EXOC6: variants seen among roughly 807,000 people sequenced by gnomAD.
The protein encoded by EXOC6 is SEC15-like 1.
Under a neutral mutation model 112.5 loss-of-function variants are expected in EXOC6, and 60 were observed. The ratio of observed to expected loss-of-function variants is 0.53; its 90% CI spans 0.43 to 0.66. The LOEUF (loss-of-function observed/expected upper bound fraction) is 0.66, where lower values mean the gene tolerates loss of function less well. Among genes scored for constraint, EXOC6 ranks in the 30% least tolerant of loss-of-function variants. EXOC6 has a pLI of 0.00. For missense variants in EXOC6, 855 were observed against 957.1 expected (o/e 0.89, Z 1.41); for synonymous variants, 295 against 308.0 (o/e 0.96, Z 0.44).
chr10:93,016,718 T>A (rs1844535885), intron 20 of EXOC6, among the ~76,000 whole-genome samples: 1 of 152,210 alleles, frequency 6.6e-6, no homozygotes. Flanking sequence ...AATTCTGATG[T>A]CTTGATATAT....
Position 92,893,540 on chromosome 10 carries a change from TA to T in EXOC6, c.273+21del. ...CTGAAGGTAAGAAATATGTTAAAAT[TA>T]TTTGCCTTTGTTCTCATTAAATTAC... On this transcript the variant is annotated intron_variant, in intron 2 of 21. Transcript: ENST00000260762. The T allele has an allele frequency of 6.3e-7, 1 of 1,584,668 alleles. No homozygotes were observed.
chr10:92,976,535 G>A (rs946262319), intron 18 of EXOC6, among the ~76,000 whole-genome samples: 2 of 151,234 alleles, frequency 1.3e-5, no homozygotes, highest in African/African-American at 2.4e-5. Context: ...GCGGAAGGCC[G>A]CAGGGTCCTC....
intron 1 of EXOC6, among the ~76,000 whole-genome samples, chr10:92,889,293 G>A (rs562266845): frequency 2.0e-5 from 3 of 152,132 alleles, no homozygotes; most frequent in Non-Finnish European, 4.4e-5. Flanking sequence ...ACACTCTAAT[G>A]TAGATACTAT....
chr10:92,915,709 G>A (rs1851044847), intron 6 of EXOC6, 49 bp from the exon 7 acceptor site: 1 of 1,371,530 alleles, frequency 7.3e-7, no homozygotes, highest in South Asian at 1.8e-5. Context: ...AACCAATTTT[G>A]ACCATAATCA....
At chr10:92,978,654 A>G (rs1300350027) in intron 18 of EXOC6, among the ~76,000 whole-genome samples, 1 of 152,226 alleles carries the variant, frequency 6.6e-6, no homozygotes, top group Non-Finnish European at 1.5e-5. Context: ...ATTTTTCTAG[A>G]TGAAGTATGG....
chr10:92,966,912 A>C (rs1378478892), intron 17 of EXOC6, among the ~76,000 whole-genome samples: 1 of 128,598 alleles, frequency 7.8e-6, no homozygotes, highest in South Asian at 2.8e-4. Context: ...CCAACAGTGT[A>C]AAAGTGTTCC....
At chr10:92,868,183 C>G (rs907747580) in intron 1 of EXOC6, among the ~76,000 whole-genome samples, 1 of 151,978 alleles carries the variant, frequency 6.6e-6, no homozygotes, top group African/African-American at 2.4e-5. Context: ...CCCATGTTTT[C>G]TTTTGGTACT....
At chr10:92,857,147 A>G (rs1023239002) in intron 1 of EXOC6, among the ~76,000 whole-genome samples, 1 of 144,240 alleles carries the variant, frequency 6.9e-6, no homozygotes, top group African/African-American at 2.5e-5. Flanking sequence ...CTTGTGTTCT[A>G]TGTCTCATTT....
chr10:92,897,072 G>A (rs1849867031), intron 4 of EXOC6, among the ~76,000 whole-genome samples: 3 of 152,158 alleles, frequency 2.0e-5, no homozygotes, highest in Admixed American at 2.0e-4. Context: ...TAATAGCCAT[G>A]AAGATGTCCT....
intron 1 of EXOC6, among the ~76,000 whole-genome samples, chr10:92,884,622 A>G (rs1849123957): frequency 6.6e-6 from 1 of 152,222 alleles, no homozygotes; most frequent in Admixed American, 6.5e-5. Context: ...GGACATTAGA[A>G]TTAGATACTT....
At chr10:93,030,419 A>G (rs932534814) in intron 20 of EXOC6, among the ~76,000 whole-genome samples, 2 of 152,242 alleles carry the variant, frequency 1.3e-5, no homozygotes, top group Admixed American at 1.3e-4. Context: ...AAGCATTCAG[A>G]TAATTTTATG....
Position 92,996,910 on chromosome 10 carries a change from C to CT in EXOC6, c.1954-555dup, listed in dbSNP as rs200904916. On this transcript the variant is annotated intron_variant, in intron 18 of 21. Transcript: ENST00000260762. ...CTTGAAGTCATATTGGTAGACAAAC[C>CT]TTTTTTTTTCTGCCAGTGATTGAAG... Among the ~76,000 whole-genome samples the CT allele has an allele frequency of 5.3e-3, 803 of 151,068 alleles. 6 individuals carry two copies. Among genetic ancestry groups the CT allele is most frequent in the African/African-American group, 0.016 (655 of 41,194 alleles).
At chr10:92,956,710 T>G (rs763128606) in intron 17 of EXOC6, among the ~76,000 whole-genome samples, 2 of 152,050 alleles carry the variant, frequency 1.3e-5, no homozygotes, top group Non-Finnish European at 2.9e-5. Flanking sequence ...CTTATAAAAT[T>G]AGCTATTAAA....
Position 92,894,854 on chromosome 10 carries a change from T to C in EXOC6, c.321+13T>C. ...TGCTGGAAAAGAGGTGAGAAAATGA[T>C]ACTTTTCTGGGTATTCAGTATGTAG... On this transcript the variant is annotated intron_variant, in intron 3 of 21. Transcript: ENST00000260762. 6.2e-7 allele frequency: 1 copy of C among 1,613,224 alleles called. No homozygotes were observed. Among genetic ancestry groups the C allele is most frequent in the South Asian group, 1.1e-5 (1 of 91,024 alleles).
intron 19 of EXOC6, among the ~76,000 whole-genome samples, chr10:93,003,353 T>C (rs1043975525): frequency 1.3e-5 from 2 of 152,186 alleles, no homozygotes; most frequent in Non-Finnish European, 2.9e-5. Context: ...CATTCAGCCA[T>C]GTACTTTTTG....
At chr10:92,830,727 T>A (rs762841203), upstream of EXOC6, among the ~76,000 whole-genome samples, 1 of 152,092 alleles carries the variant, frequency 6.6e-6, no homozygotes, top group African/African-American at 2.4e-5. Flanking sequence ...ACCCACAAGA[T>A]CACCCAGTTG....
chr10:92,993,538 G>T (rs1395611364), intron 18 of EXOC6, among the ~76,000 whole-genome samples: 2 of 151,738 alleles, frequency 1.3e-5, no homozygotes, highest in Non-Finnish European at 2.9e-5. Context: ...AATTTAAATG[G>T]GCCAAATTAG....
At chr10:93,001,125 A>G (rs2134191771) in intron 19 of EXOC6, among the ~76,000 whole-genome samples, 1 of 152,322 alleles carries the variant, frequency 6.6e-6, no homozygotes, top group African/African-American at 2.4e-5. Context: ...GCTAGGTAGT[A>G]GAAAGGCTAG....
chr10:92,856,451 A>C (rs370129019), intron 1 of EXOC6, among the ~76,000 whole-genome samples: 5 of 151,778 alleles, frequency 3.3e-5, no homozygotes, highest in African/African-American at 1.2e-4. Flanking sequence ...TTCCTCTTTC[A>C]CTGGTTATTT....
Sources: allele counts gnomAD v4.1 joint callset (sites outside exome capture counted in the v4.1 genomes callset), GRCh38; gene constraint gnomAD v4.1.1; transcripts MANE v1.5; gene names NCBI Gene and HGNC (gene_info 2026-07-23, HGNC 2026-07-21).